The following PTCHD4 variants were observed in gnomAD, a reference collection of about 807,000 sequenced individuals.
PTCHD4 encodes the protein patched domain-containing protein 4.
A neutral mutation model predicts 58.1 loss-of-function variants in PTCHD4; 33 were observed. The ratio of observed to expected loss-of-function variants is 0.57; its 90% CI spans 0.43 to 0.76. PTCHD4 has a LOEUF of 0.76. Among genes scored for constraint, PTCHD4 ranks in the 30% least tolerant of loss-of-function variants. The probability of loss-of-function intolerance (pLI) is 0.00; values close to 1 mark genes in which losing one functional copy is unlikely to be tolerated. For synonymous variants in PTCHD4, 478 were observed against 409.6 expected, an observed-to-expected ratio of 1.17 and a Z score of -2.02; for missense variants, 1,058 against 1,027.1, an observed-to-expected ratio of 1.03 and a Z score of -0.41.
intron 4 of PTCHD4, among the ~76,000 whole-genome samples, chr6:47,932,013 G>C (rs895689241): frequency 6.6e-6 from 1 of 151,882 alleles, no homozygotes; most frequent in African/African-American, 2.4e-5. Context: ...CCTAAGAGTG[G>C]GCCTCAACTT....
intron 4 of PTCHD4, among the ~76,000 whole-genome samples, chr6:47,960,953 T>A (rs1338912544): frequency 7.2e-6 from 1 of 138,534 alleles, no homozygotes; most frequent in Non-Finnish European, 1.6e-5. Flanking sequence ...CCTAGCTGCC[T>A]TTTTTTTTTA....
At chr6:47,936,250 A>G (rs1369078400) in intron 4 of PTCHD4, among the ~76,000 whole-genome samples, 2 of 152,122 alleles carry the variant, frequency 1.3e-5, no homozygotes, top group Non-Finnish European at 2.9e-5. Flanking sequence ...GATTCTAGAG[A>G]CATATCTTGA....
At chr6:48,036,755 G>T (rs572406175) in intron 3 of PTCHD4, among the ~76,000 whole-genome samples, 1 of 152,058 alleles carries the variant, frequency 6.6e-6, no homozygotes, top group South Asian at 2.1e-4. Flanking sequence ...AAAGAAAAAA[G>T]TCACATGCTA....
intron 4 of PTCHD4, among the ~76,000 whole-genome samples, chr6:47,918,861 A>C (rs1416098143): frequency 1.3e-5 from 2 of 152,162 alleles, no homozygotes; most frequent in Non-Finnish European, 2.9e-5. Flanking sequence ...GTTCTGGGCA[A>C]TGAGATGTAA....
intron 1 of PTCHD4, among the ~76,000 whole-genome samples, chr6:48,081,954 T>G (rs1424951210): frequency 6.6e-6 from 1 of 152,230 alleles, no homozygotes; most frequent in Non-Finnish European, 1.5e-5. Flanking sequence ...TAGGAGTTAC[T>G]GAAATTTAAA....
intron 4 of PTCHD4, among the ~76,000 whole-genome samples, chr6:47,896,668 T>C (rs1184810274): frequency 1.3e-5 from 2 of 152,176 alleles, no homozygotes; most frequent in African/African-American, 4.8e-5. Flanking sequence ...TCCTAAGGTA[T>C]TGATAAAGTA....
chr6:47,984,311 C>T (rs1490643740), intron 4 of PTCHD4, among the ~76,000 whole-genome samples: 2 of 152,122 alleles, frequency 1.3e-5, no homozygotes, highest in African/African-American at 4.8e-5. Context: ...AACTTACAAT[C>T]ATGGCAGAAG....
intron 1 of PTCHD4, among the ~76,000 whole-genome samples, chr6:48,091,745 A>C (rs1423039473): frequency 1.3e-5 from 2 of 151,300 alleles, no homozygotes; most frequent in Non-Finnish European, 2.9e-5. Context: ...TCCTGGGTTC[A>C]AGTGAGTCTC....
intron 4 of PTCHD4, among the ~76,000 whole-genome samples, chr6:47,895,495 A>G (rs1484039002): frequency 6.6e-6 from 1 of 152,218 alleles, no homozygotes; most frequent in Non-Finnish European, 1.5e-5. Context: ...CAAGAGGTAG[A>G]TTAGTTAACA....
chr6:47,881,335 G>A (rs1160245736), intron 4 of PTCHD4, among the ~76,000 whole-genome samples: 1 of 152,152 alleles, frequency 6.6e-6, no homozygotes, highest in Non-Finnish European at 1.5e-5. Context: ...AGACTACAAT[G>A]TACATACTTG....
At chr6:47,970,655 G>A (rs1304767335) in intron 4 of PTCHD4, among the ~76,000 whole-genome samples, 1 of 152,180 alleles carries the variant, frequency 6.6e-6, no homozygotes, top group Non-Finnish European at 1.5e-5. Context: ...GAAGGTTTTA[G>A]AGGAAACACA....
intron 1 of PTCHD4, among the ~76,000 whole-genome samples, chr6:48,076,132 T>C (rs1765060705): frequency 6.6e-6 from 1 of 152,240 alleles, no homozygotes; most frequent in South Asian, 2.1e-4. Context: ...CACCAGTAGA[T>C]GCCATCTCAA....
In PTCHD4 at chr6:48,041,584, C is replaced by T. The variant is rs182727144; in HGVS notation, c.417+26646G>A. Among the ~76,000 whole-genome samples the T allele has an allele frequency of 3.1e-3, 469 of 151,988 alleles. 2 individuals carry two copies. Among genetic ancestry groups the T allele is most frequent in the African/African-American group, 0.011 (445 of 41,512 alleles). On this transcript the variant is annotated intron_variant, in intron 3 of 4. Transcript: ENST00000339488. ...ACTTTTATCACAGGTTACTGATCGC[C>T]GCAGTTATGTGCAAATTTCCTCTGT...
At chr6:47,949,864 T>C (rs1283417511) in intron 4 of PTCHD4, among the ~76,000 whole-genome samples, 1 of 151,732 alleles carries the variant, frequency 6.6e-6, no homozygotes, top group East Asian at 1.9e-4. Flanking sequence ...GTAAGGAACT[T>C]GGATTGTTTT....
intron 3 of PTCHD4, among the ~76,000 whole-genome samples, chr6:48,026,058 A>C (rs977678460): frequency 1.3e-5 from 2 of 152,200 alleles, no homozygotes; most frequent in African/African-American, 4.8e-5. Context: ...GGTCTTCTGT[A>C]TCACCCTAAG....
chr6:47,928,940 C>T (rs965883559), intron 4 of PTCHD4, among the ~76,000 whole-genome samples: 3 of 152,144 alleles, frequency 2.0e-5, no homozygotes, highest in African/African-American at 7.2e-5. Flanking sequence ...ATGGATTTTC[C>T]ACATTAGAGT....
At chr6:47,933,155 T>A (rs1256762707) in intron 4 of PTCHD4, among the ~76,000 whole-genome samples, 2 of 152,204 alleles carry the variant, frequency 1.3e-5, no homozygotes, top group Non-Finnish European at 2.9e-5. Flanking sequence ...TATGCTCTGA[T>A]AATCAACCCA....
Position 47,879,283 on chromosome 6 carries a change from A to G in PTCHD4, c.1552T>C (p.Phe518Leu). The change falls in exon 5 of 5, where the codon TTC becomes CTC. Residue 518 changes from phenylalanine (F) to leucine (L), a missense_variant. By Grantham distance (22) the Phe-to-Leu change is conservative. Transcript: ENST00000339488. Reference protein sequence around the residue: ...YFSNYSPVIGFYVYEPLEYWN... With the variant: ...YFSNYSPVIGLYVYEPLEYWN... ...TACTCTAGGGGCTCATAGACGTAGAATCCTATCACAGGGCTATAGTTGCTG... is the reference window on the plus strand; with the variant it reads ...TACTCTAGGGGCTCATAGACGTAGAGTCCTATCACAGGGCTATAGTTGCTG... The G allele has an allele frequency of 6.2e-7, 1 of 1,612,786 alleles. No homozygotes were observed. The highest frequency in any genetic ancestry group is 1.1e-5 in the South Asian group (1 of 90,938).
intron 4 of PTCHD4, among the ~76,000 whole-genome samples, chr6:47,927,929 T>TAATAAGAA (rs1362562436): frequency 6.6e-6 from 1 of 152,094 alleles, no homozygotes; most frequent in Non-Finnish European, 1.5e-5. Flanking sequence ...ATCCTATTTC[T>TAATAAGAA]TATTTTTTGA....
Sources: allele counts gnomAD v4.1 joint callset (sites outside exome capture counted in the v4.1 genomes callset), GRCh38; gene constraint gnomAD v4.1.1; transcripts MANE v1.5; gene names NCBI Gene and HGNC (gene_info 2026-07-23, HGNC 2026-07-21).